Variants in NUMA1 observed in about 807,000 individuals in gnomAD.
The protein encoded by NUMA1 is SP-H antigen.
In NUMA1, 62 loss-of-function variants were observed where a neutral mutation model predicts 237.1. The observed-to-expected ratio is 0.26, with a 90% confidence interval of 0.21 to 0.32. The LOEUF (loss-of-function observed/expected upper bound fraction) is 0.32, where lower values mean the gene tolerates loss of function less well. NUMA1 is among the 10% of genes least tolerant of loss of function. The probability of loss-of-function intolerance (pLI) is 1.00; values close to 1 mark genes in which losing one functional copy is unlikely to be tolerated. For synonymous variants in NUMA1, 1,028 were observed against 1,066.1 expected, an observed-to-expected ratio of 0.96 and a Z score of 0.70; for missense variants, 2,533 against 2,666.5, an observed-to-expected ratio of 0.95 and a Z score of 1.10.
chr11:72,014,595 T>C lies in NUMA1; in HGVS notation c.2908A>G (p.Met970Val), dbSNP rs763472397. Residue 970 changes from methionine (M) to valine (V), a missense_variant, in exon 15 of 27, where the codon ATG becomes GTG. Physicochemically the swap from Met to Val is conservative, Grantham distance 21 (BLOSUM62 1). Transcript: ENST00000393695. This position sits in a 1 kb window ranked among gnomAD's most constrained non-coding sequence, Gnocchi z 4.6. The stretch of plus-strand genomic sequence containing the variant: ...CCCATCTGCTCTGCCTCCCGCTCCA[T>C]AGCCTGCAGCGCTGCCTGTGTGCTG... ...FCSTQAALQA[M>V]EREAEQMGNE... 6 of 1,606,310 alleles carry C rather than the reference T, an allele frequency of 3.7e-6. No individual in the cohort carries two copies. The highest frequency in any genetic ancestry group is 5.1e-6 in the Non-Finnish European group (6 of 1,179,982).
chr11:72,046,915 G>A (rs2074774241), intron 2 of NUMA1, among the ~76,000 whole-genome samples: 1 of 151,968 alleles, frequency 6.6e-6, no homozygotes, highest in African/African-American at 2.4e-5. Context: ...AGCTGAGATT[G>A]CGCCATTGCA....
Position 72,013,315 on chromosome 11 carries a change from C to G in NUMA1, c.4188G>C (p.Arg1396=), listed in dbSNP as rs199514945. The change falls in exon 15 of 27, where the codon CGG becomes CGC. Residue 1396 remains arginine, a synonymous_variant. Transcript: ENST00000393695. This position sits in a 1 kb window ranked among gnomAD's most constrained non-coding sequence, Gnocchi z 6.8. ...CCCGCTGGGCCCGCAGCAGCTCTGCCCGCAGTCCCCCAGCGGCCTGCTTGC... is the reference window on the plus strand; with the variant it reads ...CCCGCTGGGCCCGCAGCAGCTCTGCGCGCAGTCCCCCAGCGGCCTGCTTGC... ...EQSKQAAGGL[R]AELLRAQREL... is the part of the protein sequence containing the mutation. 1.6e-5 allele frequency: 26 copies of G among 1,605,488 alleles called. No individual in the cohort carries two copies. Among genetic ancestry groups the G allele is most frequent in the Admixed American group, 1.2e-4 (7 of 60,008 alleles).
At chr11:72,022,227 G>A (rs756652964) in intron 7 of NUMA1, 112 bp downstream of exon 7, 7 of 627,274 alleles carry the variant, frequency 1.1e-5, no homozygotes, top group Admixed American at 5.6e-5. Flanking sequence ...GGCAATAATT[G>A]CTATAACTGT....
chr11:72,067,335 T>C (rs181890140), intron 2 of NUMA1: 23 of 152,288 alleles, frequency 1.5e-4, no homozygotes, highest in Admixed American at 1.5e-3. Context: ...TACCAATCAC[T>C]AGGAGAATCC....
chr11:72,052,480 A>C (rs1397630288), intron 2 of NUMA1, among the ~76,000 whole-genome samples: 1 of 152,160 alleles, frequency 6.6e-6, no homozygotes, highest in East Asian at 1.9e-4. Context: ...GAAGGGTAAT[A>C]AGTAAGGCCA....
intron 2 of NUMA1, among the ~76,000 whole-genome samples, chr11:72,044,019 G>A (rs1941851734): frequency 2.0e-5 from 3 of 152,090 alleles, no homozygotes; most frequent in African/African-American, 2.4e-5. Context: ...CTATGTACGC[G>A]ACACTATTCT....
In NUMA1 at chr11:72,007,335, G is replaced by T. The variant is rs200148571; in HGVS notation, c.5317C>A (p.Leu1773Ile). Reference sequence around the variant, plus strand: ...CGAGCAGGGATGGGAGTGAAGTAGAGACTCTCCAGGGATTCTACCTTGGGG... The same window carrying T: ...CGAGCAGGGATGGGAGTGAAGTAGATACTCTCCAGGGATTCTACCTTGGGG... ...LPPKVESLES[L>I]YFTPIPARSQ... The change falls in exon 21 of 27, where the codon CTC (leucine) becomes ATC (isoleucine). Residue 1773 changes from leucine (L) to isoleucine (I), a missense_variant. Leu to Ile is a conservative substitution (Grantham distance 5). Coordinates refer to ENST00000393695, the MANE Select transcript of NUMA1 (RefSeq NM_006185.4). The T allele has an allele frequency of 1.2e-6, 2 of 1,613,632 alleles. No homozygotes were observed. The highest frequency in any genetic ancestry group is 4.5e-5 in the East Asian group (2 of 44,854).
rs776648169 is a variant in NUMA1 at position 72,007,233 on chromosome 11, C to A, written c.5419G>T (p.Ala1807Ser). The A allele has an allele frequency of 6.2e-7, 1 of 1,612,718 alleles. No homozygotes were observed. Among genetic ancestry groups the A allele is most frequent in the South Asian group, 1.1e-5 (1 of 91,068 alleles). Reference sequence around the variant, plus strand: ...ATGATCTGCGTGGTGCGCCGACGAGCGGAGCGGGTCTTACGACCCGAGTCC... The same window carrying A: ...ATGATCTGCGTGGTGCGCCGACGAGAGGAGCGGGTCTTACGACCCGAGTCC... ...FLDSGRKTRS[A>S]RRRTTQIINI... is the part of the protein sequence containing the mutation. The change falls in exon 21 of 27, where the codon GCT (alanine) becomes TCT (serine). Residue 1807 changes from alanine to serine, a missense_variant. Physicochemically the swap from Ala to Ser is moderately conservative, Grantham distance 99. This residue lies in a region of NUMA1 where 795 missense variants were observed against 750.8 expected (regional missense o/e 1.06). Transcript: ENST00000393695.
intron 16 of NUMA1, 138 bp from the exon 17 acceptor site, chr11:72,010,992 C>T (rs1956120752): frequency 1.3e-6 from 1 of 772,000 alleles, no homozygotes; most frequent in African/African-American, 1.7e-5. Flanking sequence ...TCTCTGGCCT[C>T]CAATTACGGA....
At chr11:72,048,963 T>C (rs1942158596) in intron 2 of NUMA1, among the ~76,000 whole-genome samples, 1 of 152,120 alleles carries the variant, frequency 6.6e-6, no homozygotes, top group Non-Finnish European at 1.5e-5. Context: ...CAGAGGATAA[T>C]GGCTGATTAA....
intron 20 of NUMA1, chr11:72,007,733 T>G: frequency 2.2e-6 from 1 of 449,830 alleles, no homozygotes; most frequent in East Asian, 4.4e-5. Flanking sequence ...AGCCCACTTC[T>G]CTGTTCTTCC....
chr11:72,012,531 T>C (rs1321081864), intron 15 of NUMA1, 89 bp from the exon 16 acceptor site: 2 of 1,256,542 alleles, frequency 1.6e-6, no homozygotes, highest in Non-Finnish European at 2.3e-6. Context: ...ACTGAGGCTC[T>C]GATACTTTCC....
intron 9 of NUMA1, 70 bp downstream of exon 9, chr11:72,019,424 T>C: frequency 6.3e-7 from 1 of 1,577,098 alleles, no homozygotes. Context: ...ATCTTAACTC[T>C]AGAAGTTAGG....
intron 2 of NUMA1, among the ~76,000 whole-genome samples, chr11:72,048,845 C>G (rs1298829022): frequency 6.6e-6 from 1 of 152,110 alleles, no homozygotes; most frequent in African/African-American, 2.4e-5. Context: ...GGCAGTGTCT[C>G]AAGGGTTAGA....
In NUMA1 at chr11:72,007,202, A is replaced by G. The variant is rs751752739; in HGVS notation, c.5450T>C (p.Ile1817Thr). 4.3e-6 allele frequency: 7 copies of G among 1,609,658 alleles called. No individual in the cohort carries two copies. In the South Asian group the frequency reaches 6.6e-5, roughly 15 times the overall value. The change falls in exon 21 of 27, where the codon ATC becomes ACC. Residue 1817 changes from isoleucine to threonine, a missense_variant. By Grantham distance (89) the Ile-to-Thr change is moderately conservative (BLOSUM62 -1). This residue lies in a region of NUMA1 where 795 missense variants were observed against 750.8 expected (regional missense o/e 1.06). Transcript: ENST00000393695. ...CAGCAGCCTGACCTTGGTCATGGTGATGTTGATGATCTGCGTGGTGCGCCG... is the reference window on the plus strand; with the variant it reads ...CAGCAGCCTGACCTTGGTCATGGTGGTGTTGATGATCTGCGTGGTGCGCCG... ...ARRRTTQIINITMTKKLDVEE... is the reference protein window; with the variant it reads ...ARRRTTQIINTTMTKKLDVEE...
In NUMA1 at chr11:72,009,287, G is replaced by A. The variant is rs200733089; in HGVS notation, c.4820C>T (p.Ala1607Val). 1 of 1,613,372 alleles carries A rather than the reference G, an allele frequency of 6.2e-7. No individual in the cohort carries two copies. The highest frequency in any genetic ancestry group is 2.2e-5 in the East Asian group (1 of 44,864). ...CCTTACCTGCAGCTTATAGTGCTCA[G>A]CTGCCTGCTCCTTCTGGCTCAACTG... ...QAQLSQKEQA[A>V]EHYKLQMEKA... The change falls in exon 18 of 27, where the codon GCT (alanine) becomes GTT (valine). Residue 1607 changes from alanine (A) to valine (V), a missense_variant. By Grantham distance (64) the Ala-to-Val change is moderately conservative. Around this residue, in one of 3 missense-constraint regions of NUMA1, gnomAD observed 795 missense variants for 750.8 expected, o/e 1.06. Transcript: ENST00000393695.
intron 1 of NUMA1, among the ~76,000 whole-genome samples, chr11:72,079,617 T>C (rs1313455819): frequency 6.6e-6 from 1 of 151,816 alleles, no homozygotes; most frequent in African/African-American, 2.4e-5. Flanking sequence ...ATCAACCCAG[T>C]GGGCTCCCGC....
At chr11:72,008,396 T>C (rs937224530) in intron 20 of NUMA1, 2 of 447,612 alleles carry the variant, frequency 4.5e-6, no homozygotes, top group South Asian at 2.2e-5. Context: ...CATCTCAGCT[T>C]AGTCAGGCTC....
intron 26 of NUMA1, 147 bp downstream of exon 26, chr11:72,003,740 G>A: frequency 9.8e-7 from 1 of 1,018,560 alleles, no homozygotes; most frequent in Non-Finnish European, 1.5e-6. Context: ...TCTCCTTGGA[G>A]AGGAGCTACC....
Sources: allele counts gnomAD v4.1 joint callset (sites outside exome capture counted in the v4.1 genomes callset), GRCh38; gene constraint gnomAD v4.1.1; regional missense constraint gnomAD v4.1.1; non-coding constraint Gnocchi (gnomAD v3.1); transcripts MANE v1.5; gene names NCBI Gene and HGNC (gene_info 2026-07-23, HGNC 2026-07-21).